LARS2: variants seen among roughly 807,000 people sequenced by gnomAD.
The protein encoded by LARS2 is leucine--tRNA ligase, mitochondrial.
LARS2 carries 81 observed loss-of-function variants against 116.6 expected under a neutral mutation model. The observed-to-expected ratio is 0.69, with a 90% confidence interval of 0.58 to 0.84. The LOEUF (loss-of-function observed/expected upper bound fraction) is 0.84, where lower values mean the gene tolerates loss of function less well. Ranked by LOEUF, LARS2 falls within the 40% of genes least tolerant of loss-of-function variation. LARS2 has a pLI of 0.00. For synonymous variants in LARS2, 396 were observed against 407.2 expected (o/e 0.97, Z 0.33); for missense variants, 968 against 1,114.5 (o/e 0.87, Z 1.87).
chr3:45,406,287 C>T (rs1310658291), intron 4 of LARS2, among the ~76,000 whole-genome samples: 1 of 152,056 alleles, frequency 6.6e-6, no homozygotes, highest in East Asian at 1.9e-4. Context: ...GTGTAATGAT[C>T]CCCTGAGGAG....
chr3:45,407,466 T>C (rs6802884), intron 4 of LARS2, among the ~76,000 whole-genome samples: 30,818 of 152,140 alleles, frequency 0.2, 3,330 homozygotes, highest in South Asian at 0.26. Flanking sequence ...CCTGTCACAT[T>C]CCTCCACATT....
Position 45,500,510 on chromosome 3 carries a change from C to G in LARS2, c.1691C>G (p.Ala564Gly). 6.3e-7 allele frequency: 1 copy of G among 1,590,402 alleles called. No individual in the cohort carries two copies. Among genetic ancestry groups the G allele is most frequent in the Non-Finnish European group, 8.5e-7 (1 of 1,170,936 alleles). ...TTGTACATTGGAGGGAAAGAACATGCCGTCATGCACTTGTTCTATGCAAGA... is the reference window on the plus strand; with the variant it reads ...TTGTACATTGGAGGGAAAGAACATGGCGTCATGCACTTGTTCTATGCAAGA... ...VDLYIGGKEH[A>G]VMHLFYARFF... The change falls in exon 15 of 22, where the codon GCC becomes GGC. Residue 564 changes from alanine to glycine, a missense_variant. Coordinates refer to ENST00000645846, the MANE Select transcript of LARS2 (RefSeq NM_015340.4).
At chr3:45,412,982 G>C (rs961401292) in intron 4 of LARS2, among the ~76,000 whole-genome samples, 1 of 152,228 alleles carries the variant, frequency 6.6e-6, no homozygotes, top group Non-Finnish European at 1.5e-5. Context: ...GAACAGCCGG[G>C]CTGCTTTTAA....
At position 45,510,859 on chromosome 3, in the gene LARS2, G is replaced by A. The variant is rs1559492766; in HGVS notation, c.1761-2276G>A. 2.0e-5 allele frequency among the ~76,000 whole-genome samples: 3 copies of A among 152,278 alleles called. No homozygotes were observed. In the East Asian group the frequency reaches 5.8e-4, roughly 29 times the overall value. On this transcript the variant is annotated intron_variant, in intron 15 of 21. Coordinates refer to ENST00000645846, the MANE Select transcript of LARS2 (RefSeq NM_015340.4). ...TTGGTTCAGTGATCGTAAACAGGCT[G>A]GCTCCCCAAGGGCAGAGATTGCTTT...
At chr3:45,398,619 C>T (rs1698089980) in intron 3 of LARS2, among the ~76,000 whole-genome samples, 1 of 152,182 alleles carries the variant, frequency 6.6e-6, no homozygotes, top group Admixed American at 6.5e-5. Flanking sequence ...CTCTCCAGCC[C>T]CTCCACCCTT....
At position 45,474,256 on chromosome 3, in the gene LARS2, C is replaced by T. The variant is rs752688322; in HGVS notation, c.764C>T (p.Ala255Val). The T allele has an allele frequency of 1.4e-5, 22 of 1,608,464 alleles. No individual in the cohort carries two copies. The highest frequency in any genetic ancestry group is 1.7e-5 in the Non-Finnish European group (20 of 1,175,752). Residue 255 changes from alanine (A) to valine (V), a missense_variant, in exon 9 of 22, where the codon GCG becomes GTG. Transcript: ENST00000645846. ...TCATTTGCACAGGCCATGCAGGACG[C>T]GTTGGCAGACCTTCCAGAATGGTAT... ...TTAYAKAMQDALADLPEWYGI... is the reference protein window; with the variant it reads ...TTAYAKAMQDVLADLPEWYGI...
intron 13 of LARS2, chr3:45,495,233 A>G: frequency 6.6e-6 from 1 of 152,254 alleles, no homozygotes; most frequent in African/African-American, 2.4e-5. Flanking sequence ...ACTCTTCCAT[A>G]AGGAACCTAC....
intron 20 of LARS2, among the ~76,000 whole-genome samples, chr3:45,540,746 G>GTCTGTCTGTC (rs763247398): frequency 6.7e-6 from 1 of 149,112 alleles, no homozygotes; most frequent in African/African-American, 2.5e-5. Context: ...GTATCTATCT[G>GTCTGTCTGTC]TCTATCTATC....
chr3:45,511,703 A>G (rs1321602444), intron 15 of LARS2, among the ~76,000 whole-genome samples: 3 of 151,782 alleles, frequency 2.0e-5, no homozygotes, highest in African/African-American at 7.3e-5. Flanking sequence ...GTGCCACTTG[A>G]TAAAATACAA....
intron 10 of LARS2, among the ~76,000 whole-genome samples, chr3:45,482,263 T>G (rs1370449227): frequency 6.6e-6 from 1 of 152,238 alleles, no homozygotes; most frequent in Non-Finnish European, 1.5e-5. Context: ...TCCCATCATG[T>G]TGAACACTGG....
chr3:45,476,080 T>A (rs989380994), intron 9 of LARS2, among the ~76,000 whole-genome samples: 1 of 127,582 alleles, frequency 7.8e-6, no homozygotes, highest in East Asian at 2.3e-4. Context: ...TTTTTTTTTT[T>A]ACCGTACCCT....
rs1270710013 is a variant in LARS2, at chr3:45,519,629, C to G, written c.2215-590C>G. The G allele has an allele frequency of 1.3e-5, 2 of 150,232 alleles. 1 individual carries two copies. Among genetic ancestry groups the G allele is most frequent in the Non-Finnish European group, 2.9e-5 (2 of 67,908 alleles). 9.3% of individuals were successfully genotyped at this position (150,232 alleles called of 1,614,324 possible). A position where few individuals can be genotyped will look rare whatever the true frequency, so the allele number is the denominator to read the frequency against. ...TGTTGAGTTTACCCATCAGTGGGTC[C>G]TGCGTCCTATTCATGTTACTAGCAT... On this transcript the variant is annotated intron_variant, in intron 18 of 21. Coordinates refer to ENST00000645846, the MANE Select transcript of LARS2 (RefSeq NM_015340.4).
intron 6 of LARS2, among the ~76,000 whole-genome samples, chr3:45,420,296 T>C (rs1454631073): frequency 6.6e-6 from 1 of 152,188 alleles, no homozygotes; most frequent in African/African-American, 2.4e-5. Flanking sequence ...TGCAAACAAA[T>C]TGTGAACTGG....
Position 45,432,861 on chromosome 3 carries a change from G to A in LARS2, c.516+13132G>A, listed in dbSNP as rs140528295. Among the ~76,000 whole-genome samples the A allele has an allele frequency of 2.9e-3, 448 of 152,000 alleles. 1 individual carries two copies. Among genetic ancestry groups the A allele is most frequent in the African/African-American group, 0.01 (425 of 41,512 alleles). ...ATTCTTTGAAAAAATCAACAAAATC[G>A]ACAGATTTAGGATTGCTGTGTCTTC... On this transcript the variant is annotated intron_variant, in intron 6 of 21. Coordinates refer to ENST00000645846, the MANE Select transcript of LARS2 (RefSeq NM_015340.4).
At chr3:45,457,861 A>T (rs1321981563) in intron 7 of LARS2, among the ~76,000 whole-genome samples, 1 of 152,196 alleles carries the variant, frequency 6.6e-6, no homozygotes, top group African/African-American at 2.4e-5. Context: ...ACTCTATGAG[A>T]TAATGAATCT....
chr3:45,509,738 T>G (rs747189718), intron 15 of LARS2, among the ~76,000 whole-genome samples: 4 of 152,022 alleles, frequency 2.6e-5, no homozygotes, highest in Non-Finnish European at 5.9e-5. Context: ...CCTGGCTCCC[T>G]GGAAAAGTGG....
At chr3:45,415,547 A>T (rs1274193620) in intron 4 of LARS2, among the ~76,000 whole-genome samples, 3 of 152,086 alleles carry the variant, frequency 2.0e-5, no homozygotes, top group Admixed American at 1.3e-4. Context: ...CAATTAATTT[A>T]AAAATATTGG....
At chr3:45,515,330 C>A (rs1209310208) in intron 16 of LARS2, among the ~76,000 whole-genome samples, 1 of 152,220 alleles carries the variant, frequency 6.6e-6, no homozygotes, top group Non-Finnish European at 1.5e-5. Flanking sequence ...AGTGGCAAGT[C>A]TTGCCCCATC....
chr3:45,506,819 C>T (rs749021252), intron 15 of LARS2: 2 of 152,030 alleles, frequency 1.3e-5, no homozygotes, highest in African/African-American at 2.4e-5. Context: ...TTATGTATAT[C>T]TAATCATCTT....
Sources: allele counts gnomAD v4.1 joint callset (sites outside exome capture counted in the v4.1 genomes callset), GRCh38; gene constraint gnomAD v4.1.1; transcripts MANE v1.5; gene names NCBI Gene and HGNC (gene_info 2026-07-23, HGNC 2026-07-21).